PAK2: variants seen among roughly 807,000 people sequenced by gnomAD.
PAK2 encodes serine/threonine-protein kinase PAK 2.
A neutral mutation model predicts 65.9 loss-of-function variants in PAK2; 21 were observed. That is an observed-to-expected ratio of 0.32 (90% confidence interval 0.23 to 0.46). PAK2 has a LOEUF of 0.46. Among genes scored for constraint, PAK2 ranks in the 20% least tolerant of loss-of-function variants. The probability of loss-of-function intolerance (pLI) is 1.00; values close to 1 mark genes in which losing one functional copy is unlikely to be tolerated. For synonymous variants in PAK2, 204 were observed against 219.7 expected (o/e 0.93, Z 0.63); for missense variants, 324 against 642.6 (o/e 0.50, Z 5.36).
rs1289892637 is a variant in PAK2, at chr3:196,831,594, T to G, written c.*3189T>G. On this transcript the variant is annotated 3_prime_UTR_variant, in exon 15 of 15. Coordinates refer to ENST00000327134, the MANE Select transcript of PAK2 (RefSeq NM_002577.4). ...CAGCAACTGTAAACGAACCTGTGCC[T>G]CTAACAAGCGATTCTAAACCACCTA... 1 of 152,220 alleles carries G rather than the reference T, an allele frequency of 6.6e-6. No homozygotes were observed. Among genetic ancestry groups the G allele is most frequent in the Non-Finnish European group, 1.5e-5 (1 of 68,056 alleles). 9.4% of individuals were successfully genotyped at this position (152,220 alleles called of 1,614,324 possible).
chr3:196,748,656 A>G (rs563333460), intron 1 of PAK2, among the ~76,000 whole-genome samples: 1 of 152,254 alleles, frequency 6.6e-6, no homozygotes, highest in South Asian at 2.1e-4. Context: ...TCATGGCTTG[A>G]TAGCTCATTT....
At chr3:196,775,434 G>A (rs951196826) in intron 1 of PAK2, among the ~76,000 whole-genome samples, 5 of 152,064 alleles carry the variant, frequency 3.3e-5, no homozygotes, top group Non-Finnish European at 7.4e-5. Context: ...CCAGGCTGGA[G>A]TGCAGTGGTA....
intron 1 of PAK2, among the ~76,000 whole-genome samples, chr3:196,776,098 A>G (rs561976045): frequency 2.4e-4 from 36 of 152,208 alleles, no homozygotes; most frequent in Non-Finnish European, 3.5e-4. Flanking sequence ...TCTGATGTCA[A>G]AACCTTTTTC....
At chr3:196,749,096 GA>G (rs1289567317) in intron 1 of PAK2, among the ~76,000 whole-genome samples, 5 of 151,022 alleles carry the variant, frequency 3.3e-5, no homozygotes, top group African/African-American at 1.2e-4. Context: ...TTTTTTGGGT[GA>G]ATAGTATTCC....
intron 1 of PAK2, among the ~76,000 whole-genome samples, chr3:196,758,256 G>A (rs76426403): frequency 0.069 from 10,458 of 152,324 alleles, 534 homozygotes; most frequent in African/African-American, 0.15. Context: ...TGAATGTTGA[G>A]ATAAAAGGAA....
Position 196,751,667 on chromosome 3 carries a change from T to TATATATATATATATATA in PAK2, c.-22+11510_-22+11511insATATATATATATATATA, listed in dbSNP as rs1560089766. On this transcript the variant is annotated intron_variant, in intron 1 of 14. Transcript: ENST00000327134. ...CCCCCCAAAAAACACACAAATTTAT[T>TATATATATATATATATA]TATATACATATATATATATATATAT... Among the ~76,000 whole-genome samples the TATATATATATATATATA allele has an allele frequency of 3.9e-3, 175 of 45,012 alleles. 10 individuals carry two copies. Among genetic ancestry groups the TATATATATATATATATA allele is most frequent in the Admixed American group, 0.02 (83 of 4,108 alleles). 29.5% of individuals were successfully genotyped at this position (45,012 alleles called of 152,430 possible).
intron 3 of PAK2, 100 bp downstream of exon 3, chr3:196,802,127 G>T: frequency 1.4e-6 from 1 of 734,844 alleles, no homozygotes; most frequent in South Asian, 1.6e-5. Context: ...GGCCAGGTGC[G>T]GTGGCACACG....
chr3:196,753,069 C>T (rs1489212603), intron 1 of PAK2, among the ~76,000 whole-genome samples: 2 of 150,346 alleles, frequency 1.3e-5, no homozygotes, highest in African/African-American at 4.9e-5. Flanking sequence ...ACTTCCGCCT[C>T]CCGAGTTCAG....
intron 2 of PAK2, among the ~76,000 whole-genome samples, chr3:196,800,172 G>A (rs1485618739): frequency 6.6e-6 from 1 of 152,138 alleles, no homozygotes; most frequent in Non-Finnish European, 1.5e-5. Flanking sequence ...CTTGAGGCCA[G>A]GAGTTTGAGA....
rs1053604263 is a variant in PAK2, at chr3:196,830,841, A to G, written c.*2436A>G. ...GTGATTTATTAATTTTAAAACATTC[A>G]GAACTTGTTGAAAGAAAAATTATAT... On this transcript the variant is annotated 3_prime_UTR_variant, in exon 15 of 15. Coordinates refer to ENST00000327134, the MANE Select transcript of PAK2 (RefSeq NM_002577.4). 3 of 152,212 alleles carry G rather than the reference A, an allele frequency of 2.0e-5. No homozygotes were observed. Among genetic ancestry groups the G allele is most frequent in the African/African-American group, 7.2e-5 (3 of 41,464 alleles). The allele number at this position is 152,212 out of a possible 1,614,324, so 9.4% of individuals were successfully genotyped here.
At chr3:196,818,402 C>T (rs1711539348) in intron 12 of PAK2, among the ~76,000 whole-genome samples, 1 of 152,026 alleles carries the variant, frequency 6.6e-6, no homozygotes. Context: ...CTTGTCTTGT[C>T]TTTTTGAGAT....
chr3:196,758,990 T>G (rs978153943), intron 1 of PAK2, among the ~76,000 whole-genome samples: 3 of 152,138 alleles, frequency 2.0e-5, no homozygotes, highest in Non-Finnish European at 4.4e-5. Context: ...GGGAAAAACT[T>G]ACACATTTTT....
At chr3:196,824,479 A>G (rs778141096) in intron 13 of PAK2, among the ~76,000 whole-genome samples, 16 of 152,200 alleles carry the variant, frequency 1.1e-4, no homozygotes, top group Non-Finnish European at 1.2e-4. Context: ...AGAACTTTAA[A>G]TGCATATTGC....
intron 1 of PAK2, among the ~76,000 whole-genome samples, chr3:196,751,618 G>A (rs989401475): frequency 1.4e-5 from 2 of 140,110 alleles, no homozygotes; most frequent in Non-Finnish European, 3.0e-5. Context: ...CTGCAGTCCA[G>A]CCTGGGTGAC....
intron 1 of PAK2, among the ~76,000 whole-genome samples, chr3:196,774,373 A>G (rs934611931): frequency 6.6e-6 from 1 of 152,160 alleles, no homozygotes; most frequent in African/African-American, 2.4e-5. Flanking sequence ...GATGGACTAG[A>G]TGACTTAATC....
chr3:196,827,742 TAAAGTATTAAAA>T (rs940477247), intron 14 of PAK2, among the ~76,000 whole-genome samples: 7 of 152,046 alleles, frequency 4.6e-5, no homozygotes, highest in Non-Finnish European at 8.8e-5. Flanking sequence ...CCCTAGAACT[TAAAGTATTAAAA>T]AAAAAAGTGA....
At position 196,756,706 on chromosome 3, in the gene PAK2, C is replaced by T. The variant is rs192126017; in HGVS notation, c.-22+16549C>T. ...CAAAAATTAGCTGGGCGTGATGGCA[C>T]GCGCCTGTAGTCCCAGCTACTCGGG... On this transcript the variant is annotated intron_variant, in intron 1 of 14. Transcript: ENST00000327134. Among the ~76,000 whole-genome samples, 679 of 152,174 alleles carry T rather than the reference C, an allele frequency of 4.5e-3. 2 individuals are homozygous for T. Among genetic ancestry groups the T allele is most frequent in the Non-Finnish European group, 7.1e-3 (484 of 68,000 alleles).
At chr3:196,823,693 C>A (rs569151566) in intron 13 of PAK2, among the ~76,000 whole-genome samples, 1 of 151,600 alleles carries the variant, frequency 6.6e-6, no homozygotes, top group Non-Finnish European at 1.5e-5. Flanking sequence ...GAAACCTCGT[C>A]TCTACTAAAA....
intron 7 of PAK2, 162 bp downstream of exon 7, chr3:196,808,076 C>T (rs959608905): frequency 3.4e-6 from 2 of 588,778 alleles, no homozygotes; most frequent in Non-Finnish European, 5.7e-6. Flanking sequence ...GGTGATGTCA[C>T]CAGGTTCACC....
Sources: allele counts gnomAD v4.1 joint callset (sites outside exome capture counted in the v4.1 genomes callset), GRCh38; gene constraint gnomAD v4.1.1; transcripts MANE v1.5; gene names NCBI Gene and HGNC (gene_info 2026-07-23, HGNC 2026-07-21).